The following GPC1 variants were observed in gnomAD, a reference collection of about 807,000 sequenced individuals.
The protein encoded by GPC1 is glypican 1, also known as glypican-1.
GPC1 carries 26 observed loss-of-function variants against 51.5 expected under a neutral mutation model. That is an observed-to-expected ratio of 0.50 (90% CI 0.37 to 0.70). The LOEUF (loss-of-function observed/expected upper bound fraction) is 0.70. Among genes scored for constraint, GPC1 ranks in the 30% least tolerant of loss-of-function variants. The pLI is 0.00. For missense variants in GPC1, 775 were observed against 800.5 expected (o/e 0.97, Z 0.38); for synonymous variants, 380 against 348.3 (o/e 1.09, Z -1.01).
intron 8 of GPC1, 57 bp from the exon 9 acceptor site, chr2:240,466,000 GT>G: frequency 2.8e-6 from 3 of 1,075,038 alleles, no homozygotes; most frequent in Non-Finnish European, 4.2e-6. Flanking sequence ...TTACAGGGTG[GT>G]GCTGCACTGG....
intron 7 of GPC1, 97 bp from the exon 8 acceptor site, chr2:240,465,376 C>T: frequency 7.3e-7 from 1 of 1,365,570 alleles, no homozygotes; most frequent in Non-Finnish European, 1.0e-6. Context: ...AGCTGCTGGG[C>T]ATCTCAGGCT....
rs901694100 is a variant in GPC1 at position 240,441,647 on chromosome 2, C to T, written c.166+5563C>T. 5.3e-5 allele frequency among the ~76,000 whole-genome samples: 8 copies of T among 152,286 alleles called. No individual in the cohort carries two copies. In the South Asian group the frequency reaches 6.2e-4, roughly 12 times the overall value. Reference sequence around the variant, plus strand: ...TTACGTGGGGGCTCCAGACAGGAGCCGCCTGCCCGGAGCCTGGGCTCCTCG... The same window carrying T: ...TTACGTGGGGGCTCCAGACAGGAGCTGCCTGCCCGGAGCCTGGGCTCCTCG... On this transcript the variant is annotated intron_variant, in intron 1 of 8. Transcript: ENST00000264039.
At chr2:240,442,918 A>T (rs7577592) in intron 1 of GPC1, among the ~76,000 whole-genome samples, 4 of 151,988 alleles carry the variant, frequency 2.6e-5, no homozygotes, top group Non-Finnish European at 5.9e-5. Context: ...CCAGCCTGCC[A>T]CTCACCCCCG....
chr2:240,465,993 C>T (rs944317421), intron 8 of GPC1, 65 bp from the exon 9 acceptor site: 7 of 997,974 alleles, frequency 7.0e-6, no homozygotes, highest in Admixed American at 6.0e-5. Context: ...CGGGCCCTTA[C>T]AGGGTGGTGC....
intron 1 of GPC1, chr2:240,450,502 A>C (rs751107306): frequency 1.4e-5 from 6 of 439,336 alleles, no homozygotes; most frequent in Non-Finnish European, 2.9e-5. Context: ...CGGGACCTAC[A>C]GCTGCTGTGA....
At chr2:240,457,231 G>A (rs539436419) in intron 1 of GPC1, among the ~76,000 whole-genome samples, 34 of 152,128 alleles carry the variant, frequency 2.2e-4, no homozygotes, top group African/African-American at 3.6e-4. Context: ...AGGAGGGAGC[G>A]CTCCAGGATA....
intron 1 of GPC1, chr2:240,452,895 C>T: frequency 3.9e-6 from 1 of 254,672 alleles, no homozygotes; most frequent in Non-Finnish European, 7.9e-6. Flanking sequence ...CGCCCTCGTC[C>T]CCCGCTGGCT....
At chr2:240,447,283 CAG>C (rs1211164314) in intron 1 of GPC1, among the ~76,000 whole-genome samples, 1 of 152,198 alleles carries the variant, frequency 6.6e-6, no homozygotes, top group East Asian at 1.9e-4. Flanking sequence ...TGCCCCGACA[CAG>C]AGGCTGTTCT....
chr2:240,436,327 C>T (rs757336966), intron 1 of GPC1, among the ~76,000 whole-genome samples: 2 of 152,114 alleles, frequency 1.3e-5, no homozygotes, highest in Non-Finnish European at 2.9e-5. Context: ...CTCCGCCCCT[C>T]CCCGCCCCCC....
At chr2:240,461,185 C>G (rs946553340) in intron 2 of GPC1, among the ~76,000 whole-genome samples, 5 of 152,208 alleles carry the variant, frequency 3.3e-5, no homozygotes, top group African/African-American at 1.2e-4. Context: ...TGTGGCCCGT[C>G]CACCCTCCCC....
At chr2:240,455,730 C>T (rs758703339) in intron 1 of GPC1, among the ~76,000 whole-genome samples, 3 of 152,204 alleles carry the variant, frequency 2.0e-5, no homozygotes, top group African/African-American at 4.8e-5. Flanking sequence ...AGGCCCCAGC[C>T]CCTGGCATTC....
At chr2:240,465,427 G>A (rs377136083) in intron 7 of GPC1, 46 bp from the exon 8 acceptor site, 26 of 1,578,502 alleles carry the variant, frequency 1.6e-5, no homozygotes, top group Non-Finnish European at 2.2e-5. Context: ...ATGGCCCTTT[G>A]CAGGGGCTGG....
At chr2:240,447,143 G>T (rs2074055676) in intron 1 of GPC1, among the ~76,000 whole-genome samples, 2 of 152,116 alleles carry the variant, frequency 1.3e-5, no homozygotes, top group African/African-American at 4.8e-5. Flanking sequence ...GGCTTGGTAG[G>T]CAGGGTCTGA....
chr2:240,465,130 C>G lies in GPC1; in HGVS notation c.1188C>G (p.Leu396=). The change falls in exon 7 of 9, where the codon CTC becomes CTG. Residue 396 remains leucine, a synonymous_variant. Transcript: ENST00000264039. ...ACGTCCAGGACTTCTGGATCAGCCT[C>G]CCAGGGACACTGTGCAGTGAGAAGA... The part of the protein sequence containing the change: ...LRDVQDFWIS[L]PGTLCSEKMA... 1 of 1,612,036 alleles carries G rather than the reference C, an allele frequency of 6.2e-7. No individual in the cohort carries two copies. Among genetic ancestry groups the G allele is most frequent in the Non-Finnish European group, 8.5e-7 (1 of 1,179,668 alleles).
At chr2:240,456,687 C>T (rs1034736092) in intron 1 of GPC1, 18 of 461,970 alleles carry the variant, frequency 3.9e-5, no homozygotes, top group African/African-American at 1.6e-4. Flanking sequence ...CTCGGAGAGA[C>T]GCCTCCTGAG....
At chr2:240,454,082 C>T (rs1185475887) in intron 1 of GPC1, among the ~76,000 whole-genome samples, 2 of 120,428 alleles carry the variant, frequency 1.7e-5, no homozygotes, top group Non-Finnish European at 3.5e-5. Flanking sequence ...TTCGGGCAGA[C>T]GGCAGGGGTG....
intron 1 of GPC1, 124 bp downstream of exon 1, chr2:240,436,208 G>A (rs1574752323): frequency 1.8e-6 from 1 of 562,456 alleles, no homozygotes; most frequent in Non-Finnish European, 2.6e-6. Context: ...CGCCGCCCGG[G>A]CCCCGAATGG....
intron 1 of GPC1, chr2:240,451,435 CAG>C (rs966040757): frequency 3.3e-5 from 12 of 361,234 alleles, no homozygotes; most frequent in African/African-American, 2.6e-4. Context: ...GAGAGCTGGG[CAG>C]AGCCCCAGGA....
At chr2:240,440,520 A>G (rs1295106615) in intron 1 of GPC1, among the ~76,000 whole-genome samples, 2 of 151,966 alleles carry the variant, frequency 1.3e-5, no homozygotes, top group Admixed American at 6.5e-5. Flanking sequence ...GCTCATTTAG[A>G]ACGTTTAACC....
Sources: allele counts gnomAD v4.1 joint callset (sites outside exome capture counted in the v4.1 genomes callset), GRCh38; gene constraint gnomAD v4.1.1; transcripts MANE v1.5; gene names NCBI Gene and HGNC (gene_info 2026-07-23, HGNC 2026-07-21).